CRB1: variants seen among roughly 807,000 people sequenced by gnomAD.
CRB1 encodes crumbs cell polarity complex component 1, also known as protein crumbs homolog 1.
Under a neutral mutation model 120.0 loss-of-function variants are expected in CRB1, and 83 were observed. The ratio of observed to expected loss-of-function variants is 0.69; its 90% confidence interval spans 0.58 to 0.83. The LOEUF (loss-of-function observed/expected upper bound fraction) is 0.83. CRB1 is among the 40% of genes least tolerant of loss of function. The pLI, the probability that CRB1 is intolerant of heterozygous loss-of-function variation, is 0.00. For synonymous variants in CRB1, 625 were observed against 612.5 expected (o/e 1.02, Z -0.30); for missense variants, 1,699 against 1,687.6 (o/e 1.01, Z -0.12).
chr1:197,313,493 C>T (rs1232057280), intron 1 of CRB1, among the ~76,000 whole-genome samples: 14 of 152,168 alleles, frequency 9.2e-5, no homozygotes, highest in Admixed American at 9.2e-4. Flanking sequence ...TAAAAATATG[C>T]AGTAAATTAT....
At position 197,416,411 on chromosome 1, in the gene CRB1, G is replaced by A. The variant is rs567180932; in HGVS notation, c.1172-4589G>A. Among the ~76,000 whole-genome samples the A allele has an allele frequency of 4.6e-5, 7 of 152,204 alleles. No individual in the cohort carries two copies. In the South Asian group the frequency reaches 1.5e-3, roughly 32 times the overall value. On this transcript the variant is annotated intron_variant, in intron 5 of 11. Coordinates refer to ENST00000367400, the MANE Select transcript of CRB1 (RefSeq NM_201253.3). The stretch of plus-strand genomic sequence containing the variant: ...TCGACATCTGCTGGGAACATACTAT[G>A]TACAATGCATTTTCATAAATATATA...
At chr1:197,208,696 C>T in the CRB1 span, among the ~76,000 whole-genome samples, 1 of 152,116 alleles carries the variant, frequency 6.6e-6, no homozygotes, top group Non-Finnish European at 1.5e-5. Flanking sequence ...GGCCTCTAGC[C>T]AGGAGGTGAT....
chr1:197,347,864 C>T (rs1659865826), intron 4 of CRB1, among the ~76,000 whole-genome samples: 1 of 152,088 alleles, frequency 6.6e-6, no homozygotes, highest in Non-Finnish European at 1.5e-5. Context: ...CTTGTATTCT[C>T]TTAGGCATTT....
intron 1 of CRB1, among the ~76,000 whole-genome samples, chr1:197,323,352 A>T (rs574712528): frequency 6.6e-6 from 1 of 152,214 alleles, no homozygotes; most frequent in Non-Finnish European, 1.5e-5. Context: ...TGACATTGAA[A>T]TTATATCTGT....
At chr1:197,449,417 A>C (rs1384571225) in intron 11 of CRB1, among the ~76,000 whole-genome samples, 1 of 152,010 alleles carries the variant, frequency 6.6e-6, no homozygotes, top group Non-Finnish European at 1.5e-5. Context: ...CCCAGGCTGG[A>C]GTGCAGTGGC....
chr1:197,368,514 T>TA (rs1661201134), intron 5 of CRB1, among the ~76,000 whole-genome samples: 2 of 152,218 alleles, frequency 1.3e-5, no homozygotes, highest in Admixed American at 6.5e-5. Context: ...TACATTAATT[T>TA]AAAAAATGAT....
the CRB1 span, among the ~76,000 whole-genome samples, chr1:197,237,107 C>T: frequency 6.6e-6 from 1 of 151,204 alleles, no homozygotes; most frequent in Admixed American, 6.6e-5. Flanking sequence ...TCATTTCTGC[C>T]TCAAATGTTT....
At chr1:197,344,568 C>T (rs1482621551) in intron 3 of CRB1, 92 bp downstream of exon 3, 8 of 1,267,930 alleles carry the variant, frequency 6.3e-6, no homozygotes, top group South Asian at 3.6e-5. Context: ...CTCACGTTCT[C>T]GGCTTAAAAT....
At chr1:197,476,597 T>A (rs1020699324) in intron 11 of CRB1, among the ~76,000 whole-genome samples, 3 of 152,070 alleles carry the variant, frequency 2.0e-5, no homozygotes, top group Non-Finnish European at 4.4e-5. Flanking sequence ...TATGAAGCTG[T>A]TAAAATATTA....
Position 197,476,163 on chromosome 1 carries a change from G to C in CRB1, c.4006-1501G>C, listed in dbSNP as rs148535485. On this transcript the variant is annotated intron_variant, in intron 11 of 11. Transcript: ENST00000367400. ...GACCTCAGGTGATCTGCCCACCTCAGCTTCCGAAAGTGCTGGGATTACAGA... is the reference window on the plus strand; with the variant it reads ...GACCTCAGGTGATCTGCCCACCTCACCTTCCGAAAGTGCTGGGATTACAGA... Among the ~76,000 whole-genome samples the C allele has an allele frequency of 9.9e-3, 1,505 of 151,994 alleles. 28 individuals are homozygous for C. Among genetic ancestry groups the C allele is most frequent in the African/African-American group, 0.034 (1,417 of 41,460 alleles).
At chr1:197,319,349 A>C (rs2125287270) in intron 1 of CRB1, among the ~76,000 whole-genome samples, 1 of 137,194 alleles carries the variant, frequency 7.3e-6, no homozygotes, top group South Asian at 2.5e-4. Flanking sequence ...AATTGCCTGA[A>C]CCTGGGAGGT....
chr1:197,257,474 A>G, the CRB1 span, among the ~76,000 whole-genome samples: 1 of 152,168 alleles, frequency 6.6e-6, no homozygotes, highest in Non-Finnish European at 1.5e-5. Context: ...ATTGGTCCTC[A>G]TCTACTTGAA....
At chr1:197,236,195 C>CTTTTTTTTT in the CRB1 span, among the ~76,000 whole-genome samples, 1 of 113,052 alleles carries the variant, frequency 8.8e-6, no homozygotes, top group Non-Finnish European at 1.8e-5. Flanking sequence ...CTTTTATTTC[C>CTTTTTTTTT]TTTTTTTTTT....
At chr1:197,454,031 GCC>G (rs1666157636) in intron 11 of CRB1, among the ~76,000 whole-genome samples, 1 of 146,746 alleles carries the variant, frequency 6.8e-6, no homozygotes, top group African/African-American at 2.5e-5. Context: ...CACTCATGTT[GCC>G]GAGGCTGGTC....
the CRB1 span, among the ~76,000 whole-genome samples, chr1:197,242,329 T>C: frequency 6.6e-6 from 1 of 152,190 alleles, no homozygotes; most frequent in Non-Finnish European, 1.5e-5. Context: ...TATATAGCTC[T>C]TATGATTTTG....
At chr1:197,423,781 G>A (rs1664448802) in intron 6 of CRB1, among the ~76,000 whole-genome samples, 3 of 152,134 alleles carry the variant, frequency 2.0e-5, no homozygotes, top group Admixed American at 6.5e-5. Flanking sequence ...CAAGGAGACT[G>A]GATAGAGGAT....
chr1:197,237,248 G>A, the CRB1 span, among the ~76,000 whole-genome samples: 5 of 152,104 alleles, frequency 3.3e-5, no homozygotes, highest in Non-Finnish European at 7.4e-5. Flanking sequence ...CATTCTGGCT[G>A]TCATAACAAA....
intron 7 of CRB1, chr1:197,429,057 A>T: frequency 6.7e-7 from 1 of 1,493,760 alleles, no homozygotes; most frequent in Non-Finnish European, 9.0e-7. Flanking sequence ...GCTTCTGTGT[A>T]GGATCTTGGG....
chr1:197,467,084 T>A (rs1666778921), intron 11 of CRB1, among the ~76,000 whole-genome samples: 2 of 152,142 alleles, frequency 1.3e-5, no homozygotes. Context: ...AAGCAAGGCC[T>A]GGTATAGCCA....
Sources: gnomAD v4.1 joint callset for allele counts (sites outside exome capture counted in the v4.1 genomes callset) on GRCh38, gnomAD v4.1.1 for gene constraint, MANE v1.5 for transcripts, NCBI Gene and HGNC (gene_info 2026-07-23, HGNC 2026-07-21) for gene names.